PRKDC: variants seen among roughly 807,000 people sequenced by gnomAD.
The protein encoded by PRKDC is DNA-dependent protein kinase catalytic subunit.
A neutral mutation model predicts 486.9 loss-of-function variants in PRKDC; 82 were observed. The ratio of observed to expected loss-of-function variants is 0.17; its 90% CI spans 0.14 to 0.20. PRKDC has a LOEUF of 0.20. Ranked by LOEUF, PRKDC falls within the 10% of genes least tolerant of loss-of-function variation. The probability of loss-of-function intolerance (pLI) is 1.00; values close to 1 mark genes in which losing one functional copy is unlikely to be tolerated. For synonymous variants in PRKDC, 1,895 were observed against 1,837.0 expected (o/e 1.03, Z -0.81); for missense variants, 4,504 against 5,038.2 (o/e 0.89, Z 3.21).
chr8:47,950,535 G>A (rs1357381044), intron 7 of PRKDC, among the ~76,000 whole-genome samples: 2 of 150,768 alleles, frequency 1.3e-5, no homozygotes, highest in African/African-American at 4.9e-5. Flanking sequence ...AGGCTTAGGC[G>A]GGAGAATGGC....
intron 21 of PRKDC, among the ~76,000 whole-genome samples, chr8:47,921,020 G>A (rs781699675): frequency 7.9e-5 from 12 of 152,234 alleles, no homozygotes; most frequent in South Asian, 2.1e-4. Context: ...TTGGGAGGCC[G>A]AGGGGGGCGG....
At chr8:47,874,288 T>C (rs1359908758) in intron 40 of PRKDC, among the ~76,000 whole-genome samples, 1 of 152,108 alleles carries the variant, frequency 6.6e-6, no homozygotes, top group Non-Finnish European at 1.5e-5. Flanking sequence ...TATAACTGGA[T>C]TATTTCTCAT....
At chr8:47,829,743 A>G (rs1032958976) in intron 61 of PRKDC, among the ~76,000 whole-genome samples, 3 of 152,218 alleles carry the variant, frequency 2.0e-5, no homozygotes, top group Non-Finnish European at 4.4e-5. Context: ...TACAAGGAGA[A>G]CTAAAAAACA....
intron 68 of PRKDC, among the ~76,000 whole-genome samples, chr8:47,813,695 C>T (rs924628961): frequency 6.6e-6 from 1 of 152,152 alleles, no homozygotes; most frequent in African/African-American, 2.4e-5. Context: ...CCTGCCTCAG[C>T]CTCCGAGTAG....
intron 38 of PRKDC, 33 bp downstream of exon 38, chr8:47,881,383 G>T: frequency 8.3e-7 from 1 of 1,209,272 alleles, no homozygotes; most frequent in Non-Finnish European, 1.2e-6. Context: ...AGAAGAGAAT[G>T]TAATCCAAAA....
chr8:47,776,795 A>C, intron 85 of PRKDC, 49 bp downstream of exon 85: 1 of 1,605,012 alleles, frequency 6.2e-7, no homozygotes, highest in Non-Finnish European at 8.5e-7. Context: ...CTCGAGAAAC[A>C]GTAGCATGTC....
chr8:47,871,799 C>T (rs1015682318), intron 40 of PRKDC, among the ~76,000 whole-genome samples: 1 of 152,068 alleles, frequency 6.6e-6, no homozygotes, highest in Admixed American at 6.5e-5. Context: ...TCATGTTGAC[C>T]AGGTTGGTCT....
At chr8:47,916,429 T>C (rs1467536506) in intron 22 of PRKDC, among the ~76,000 whole-genome samples, 1 of 151,224 alleles carries the variant, frequency 6.6e-6, no homozygotes, top group Non-Finnish European at 1.5e-5. Flanking sequence ...AGACTCCATC[T>C]CAAAATAAAA....
intron 23 of PRKDC, among the ~76,000 whole-genome samples, chr8:47,914,566 G>A (rs1218001698): frequency 1.3e-5 from 2 of 152,136 alleles, no homozygotes; most frequent in African/African-American, 4.8e-5. Context: ...TTGGGAGGCC[G>A]AGGCTGGTGG....
At chr8:47,897,408 A>C in intron 29 of PRKDC, 114 bp from the exon 30 acceptor site, 470 of 1,041,618 alleles carry the variant, frequency 4.5e-4, no homozygotes, top group Non-Finnish European at 5.6e-4. Context: ...TAGAAATCTC[A>C]CTAAAAGGCA....
chr8:47,859,575 T>C (rs2154500585), intron 46 of PRKDC, 36 bp downstream of exon 46: 1 of 1,597,630 alleles, frequency 6.3e-7, no homozygotes. Flanking sequence ...TTCACAAACA[T>C]CGACAATATT....
chr8:47,819,781 G>A (rs1686675097), intron 66 of PRKDC, among the ~76,000 whole-genome samples: 1 of 152,130 alleles, frequency 6.6e-6, no homozygotes, highest in South Asian at 2.1e-4. Flanking sequence ...TTGCCACCAA[G>A]TTTTAACAAT....
chr8:47,788,845 TG>T lies in PRKDC; in HGVS notation c.10902+60del, dbSNP rs2086836785. ...ATACAAATATTATTACATTTAATAA[TG>T]TAACTATTGACTGTCACAACGACTC... is the stretch of plus-strand genomic sequence containing the variant. On this transcript the variant is annotated intron_variant, in intron 76 of 85. Coordinates refer to ENST00000314191, the MANE Select transcript of PRKDC (RefSeq NM_006904.7). 6 of 1,395,164 alleles carry T rather than the reference TG, an allele frequency of 4.3e-6. No individual in the cohort carries two copies. The Admixed American group carries it at 1.3e-4, about 30-fold the overall frequency. The allele number at this position is 1,395,164 out of a possible 1,614,324, so 86.4% of individuals were successfully genotyped here. A position where few individuals can be genotyped will look rare whatever the true frequency, so the allele number is the denominator to read the frequency against.
In PRKDC at chr8:47,785,148, T is replaced by C. The variant is rs763367510; in HGVS notation, c.11072A>G (p.Lys3691Arg). ...KECSPWMSDF[K>R]VEFLRNELEI... The stretch of plus-strand genomic sequence containing the variant: ...CAGCTCATTTCTCAGGAACTCCACT[T>C]TGAAGTCGCTCATCCAGGGTGAACA... The change falls in exon 77 of 86, where the codon AAA (lysine) becomes AGA (arginine). Residue 3691 changes from lysine to arginine, a missense_variant. This residue lies in a region of PRKDC where 706 missense variants were observed against 945.0 expected (regional missense o/e 0.75). Coordinates refer to ENST00000314191, the MANE Select transcript of PRKDC (RefSeq NM_006904.7). 13 of 1,613,852 alleles carry C rather than the reference T, an allele frequency of 8.1e-6. No homozygotes were observed. In the South Asian group the frequency reaches 1.3e-4, roughly 16 times the overall value.
intron 77 of PRKDC, among the ~76,000 whole-genome samples, chr8:47,784,857 T>C (rs779379151): frequency 4.6e-5 from 7 of 152,212 alleles, no homozygotes; most frequent in Non-Finnish European, 1.0e-4. Flanking sequence ...CTGTTTACCA[T>C]TATTACCAAA....
intron 35 of PRKDC, among the ~76,000 whole-genome samples, chr8:47,886,360 A>G (rs950478077): frequency 1.3e-5 from 2 of 152,190 alleles, no homozygotes; most frequent in South Asian, 2.1e-4. Flanking sequence ...TCCTTGACCC[A>G]TATTTCTTCC....
At chr8:47,936,218 T>C in intron 12 of PRKDC, 135 bp downstream of exon 12, 1 of 999,966 alleles carries the variant, frequency 1.0e-6, no homozygotes, top group Non-Finnish European at 1.4e-6. Flanking sequence ...ATAATTCTAT[T>C]GCCACAAAGT....
rs775176440 is a variant in PRKDC at position 47,882,111 on chromosome 8, G to A, written c.4777-14C>T. ...AACGGCACTCACCTGAGACAATTTC[G>A]TTGTGAGTGAAGAAAAATTCTTAAT... On this transcript the variant is annotated splice_polypyrimidine_tract_variant and intron_variant, in intron 36 of 85. Transcript: ENST00000314191. 1.4e-5 allele frequency: 22 copies of A among 1,582,614 alleles called. No individual in the cohort carries two copies. In the South Asian group the frequency reaches 2.1e-4, roughly 15 times the overall value.
chr8:47,896,042 G>A (rs116423979), intron 30 of PRKDC, among the ~76,000 whole-genome samples: 1 of 151,524 alleles, frequency 6.6e-6, no homozygotes, highest in Non-Finnish European at 1.5e-5. Flanking sequence ...CTGTCTCGGG[G>A]GAAAAAAAAT....
Sources: gnomAD v4.1 joint callset for allele counts (sites outside exome capture counted in the v4.1 genomes callset) on GRCh38, gnomAD v4.1.1 for gene constraint, gnomAD v4.1.1 regional missense constraint, MANE v1.5 for transcripts, NCBI Gene and HGNC (gene_info 2026-07-23, HGNC 2026-07-21) for gene names.